Variants in ENPP6 observed in about 807,000 individuals in gnomAD.
ENPP6 encodes ectonucleotide pyrophosphatase/phosphodiesterase 6.
ENPP6 carries 32 observed loss-of-function variants against 42.0 expected under a neutral mutation model. That is an observed-to-expected ratio of 0.76 (90% CI 0.58 to 1.02). ENPP6 has a LOEUF of 1.02. Among genes scored for constraint, ENPP6 ranks in the 50% least tolerant of loss-of-function variants. ENPP6 has a pLI of 0.00. For missense variants in ENPP6, 552 were observed against 566.8 expected, an observed-to-expected ratio of 0.97 and a Z score of 0.27; for synonymous variants, 213 against 216.0, an observed-to-expected ratio of 0.99 and a Z score of 0.12.
At chr4:184,161,444 C>T (rs1737255146) in intron 1 of ENPP6, among the ~76,000 whole-genome samples, 1 of 152,154 alleles carries the variant, frequency 6.6e-6, no homozygotes, top group African/African-American at 2.4e-5. Context: ...GGAATGTAAA[C>T]TAGTACAGCC....
At chr4:184,126,005 C>T (rs1327438718) in intron 2 of ENPP6, among the ~76,000 whole-genome samples, 2 of 152,178 alleles carry the variant, frequency 1.3e-5, no homozygotes, top group Non-Finnish European at 2.9e-5. Context: ...ATATCACCCA[C>T]CCTTTAAAAG....
intron 1 of ENPP6, among the ~76,000 whole-genome samples, chr4:184,181,391 C>A (rs1314176093): frequency 2.6e-5 from 4 of 152,174 alleles, no homozygotes; most frequent in Non-Finnish European, 5.9e-5. Context: ...ACCTTCCATG[C>A]TCATGGATAG....
intron 1 of ENPP6, among the ~76,000 whole-genome samples, chr4:184,168,534 C>T (rs1054659676): frequency 6.6e-6 from 1 of 152,234 alleles, no homozygotes; most frequent in Non-Finnish European, 1.5e-5. Context: ...CAGACACTGC[C>T]CGCGGGGCTC....
intron 2 of ENPP6, among the ~76,000 whole-genome samples, chr4:184,124,480 A>G (rs1436860654): frequency 1.3e-5 from 2 of 152,236 alleles, no homozygotes; most frequent in African/African-American, 4.8e-5. Flanking sequence ...TGTCATTCCT[A>G]TGCAACACTG....
intron 3 of ENPP6, among the ~76,000 whole-genome samples, chr4:184,120,364 C>T (rs1445584354): frequency 1.3e-5 from 2 of 152,202 alleles, no homozygotes; most frequent in East Asian, 3.9e-4. Flanking sequence ...TCTTCAGTAG[C>T]CTGGAGCTTG....
intron 1 of ENPP6, among the ~76,000 whole-genome samples, chr4:184,198,813 CA>C (rs1732844260): frequency 6.6e-6 from 1 of 152,144 alleles, no homozygotes; most frequent in Non-Finnish European, 1.5e-5. Context: ...CCACATTGTT[CA>C]AAAACATAGG....
rs573051029 is a variant in ENPP6 at position 184,212,931 on chromosome 4, G to A, written c.241+4648C>T. Reference sequence around the variant, plus strand: ...ACAAAACAGAGCCCTCAGAAATAACGCCGCATATCTACAACTATCTGATCT... The same window carrying A: ...ACAAAACAGAGCCCTCAGAAATAACACCGCATATCTACAACTATCTGATCT... On this transcript the variant is annotated intron_variant, in intron 1 of 7. Transcript: ENST00000296741. Among the ~76,000 whole-genome samples, 652 of 152,048 alleles carry A rather than the reference G, an allele frequency of 4.3e-3. 7 individuals are homozygous for A. Among genetic ancestry groups the A allele is most frequent in the African/African-American group, 0.014 (598 of 41,408 alleles).
In ENPP6 at chr4:184,116,987, C is replaced by A; in HGVS notation, c.724G>T (p.Gly242Ter). 6.2e-7 allele frequency: 1 copy of A among 1,614,178 alleles called. No individual in the cohort carries two copies. Among genetic ancestry groups the A allele is most frequent in the Non-Finnish European group, 8.5e-7 (1 of 1,180,042 alleles). Residue 242 changes from glycine (G) to a stop codon, truncating the protein, a stop_gained, in exon 5 of 8, where the codon GGA (glycine) becomes TGA (stop). Transcript: ENST00000296741. LOFTEE classifies it high-confidence loss of function. ...TCCATCCAGAAAATGTCGGTCATTC[C>A]GTGATCCGAGAAAATAATGACGTTC... ...RLNVIIFSDH[G>*]MTDIFWMDKV...
intron 2 of ENPP6, among the ~76,000 whole-genome samples, chr4:184,148,804 A>G (rs570005955): frequency 1.6e-4 from 25 of 152,332 alleles, no homozygotes; most frequent in African/African-American, 5.8e-4. Context: ...TAAAAAACCA[A>G]ATCAATTAGC....
intron 5 of ENPP6, among the ~76,000 whole-genome samples, chr4:184,115,881 C>G (rs556883801): frequency 1.3e-5 from 2 of 152,270 alleles, no homozygotes; most frequent in African/African-American, 4.8e-5. Flanking sequence ...TGCTGATGCT[C>G]CCCAGATGTG....
chr4:184,124,697 C>T (rs1312908949), intron 2 of ENPP6, among the ~76,000 whole-genome samples: 1 of 152,130 alleles, frequency 6.6e-6, no homozygotes. Flanking sequence ...TCTGATTAGT[C>T]AGAGGATTAT....
At chr4:184,169,145 G>T (rs1737413975) in intron 1 of ENPP6, among the ~76,000 whole-genome samples, 1 of 152,154 alleles carries the variant, frequency 6.6e-6, no homozygotes, top group South Asian at 2.1e-4. Flanking sequence ...AATTCCTCCT[G>T]CGCCCTGCAT....
intron 1 of ENPP6, among the ~76,000 whole-genome samples, chr4:184,186,890 C>G (rs987972082): frequency 3.3e-5 from 5 of 152,136 alleles, no homozygotes; most frequent in Non-Finnish European, 7.3e-5. Context: ...TCACACTACC[C>G]CCCTACTCAG....
intron 5 of ENPP6, among the ~76,000 whole-genome samples, 169 bp downstream of exon 5, chr4:184,116,687 C>T (rs1284230918): frequency 2.0e-5 from 3 of 151,250 alleles, no homozygotes; most frequent in Non-Finnish European, 3.0e-5. Context: ...GAGCCGAGAT[C>T]GCGCCATTGC....
chr4:184,131,079 T>A (rs1027424874), intron 2 of ENPP6, among the ~76,000 whole-genome samples: 21 of 152,232 alleles, frequency 1.4e-4, no homozygotes, highest in African/African-American at 4.8e-4. Flanking sequence ...CAGTCAACTT[T>A]ATAAGATAAT....
chr4:184,173,979 C>T (rs1163525439), intron 1 of ENPP6, among the ~76,000 whole-genome samples: 2 of 152,058 alleles, frequency 1.3e-5, no homozygotes, highest in African/African-American at 4.8e-5. Context: ...ATCGTAATTC[C>T]CACAACTCTG....
intron 1 of ENPP6, among the ~76,000 whole-genome samples, chr4:184,173,053 G>A (rs888610883): frequency 1.3e-5 from 2 of 152,178 alleles, no homozygotes; most frequent in Admixed American, 6.5e-5. Context: ...ACAGGCGCCC[G>A]TCACCATGCC....
At chr4:184,147,363 C>A (rs554454482) in intron 2 of ENPP6, among the ~76,000 whole-genome samples, 1 of 152,332 alleles carries the variant, frequency 6.6e-6, no homozygotes, top group South Asian at 2.1e-4. Context: ...CCCTCATTCA[C>A]CCACCCTGGA....
At chr4:184,118,063 G>C (rs3885669) in intron 3 of ENPP6, among the ~76,000 whole-genome samples, 163 bp from the exon 4 acceptor site, 96,203 of 152,106 alleles carry the variant, frequency 0.63, 30,811 homozygotes, top group Non-Finnish European at 0.68. Context: ...ATCTCCAAGG[G>C]AGAAGCACAC....
Sources: gnomAD v4.1 joint callset for allele counts (sites outside exome capture counted in the v4.1 genomes callset) on GRCh38, gnomAD v4.1.1 for gene constraint, MANE v1.5 for transcripts, NCBI Gene and HGNC (gene_info 2026-07-23, HGNC 2026-07-21) for gene names.